Variants in DNAH11 observed in about 807,000 individuals in gnomAD.
The protein encoded by DNAH11 is axonemal beta dynein heavy chain 11.
In DNAH11, 442 loss-of-function variants were observed where a neutral mutation model predicts 526.0. The observed-to-expected ratio is 0.84, with a 90% CI of 0.78 to 0.91. The LOEUF (loss-of-function observed/expected upper bound fraction) is 0.91, where lower values mean the gene tolerates loss of function less well. Among genes scored for constraint, DNAH11 ranks in the 40% least tolerant of loss-of-function variants. The pLI is 0.00. For synonymous variants in DNAH11, 2,461 were observed against 1,935.9 expected, an observed-to-expected ratio of 1.27 and a Z score of -7.12; for missense variants, 6,989 against 5,448.7, an observed-to-expected ratio of 1.28 and a Z score of -8.90.
In DNAH11 at chr7:21,570,228, C is replaced by T. The variant is rs1318484979; in HGVS notation, c.1354C>T (p.Pro452Ser). ...ASYFMGRKLRPWDFQSHLVFC... is the reference protein window; with the variant it reads ...ASYFMGRKLRSWDFQSHLVFC... ...CTACTTTATGGGAAGAAAGCTGAGA[C>T]CATGGGATTTCCAGTCTCATCTGGT... Residue 452 changes from proline (P) to serine (S), a missense_variant, in exon 7 of 82, where the codon CCA becomes TCA. Pro to Ser is a moderately conservative substitution (Grantham distance 74). Transcript: ENST00000409508. 3.7e-6 allele frequency: 6 copies of T among 1,613,168 alleles called. No homozygotes were observed. The highest frequency in any genetic ancestry group is 1.7e-5 in the Admixed American group (1 of 59,978).
chr7:21,793,584 C>G (rs1788568704), intron 61 of DNAH11, among the ~76,000 whole-genome samples: 1 of 146,990 alleles, frequency 6.8e-6, no homozygotes, highest in Non-Finnish European at 1.5e-5. Context: ...CCATTGCACT[C>G]CAGCCTGGAT....
At chr7:21,628,205 T>C (rs1786440922) in intron 25 of DNAH11, among the ~76,000 whole-genome samples, 2 of 151,926 alleles carry the variant, frequency 1.3e-5, no homozygotes, top group African/African-American at 4.8e-5. Flanking sequence ...AGTCTTTAGG[T>C]TTTTCTAAGT....
At chr7:21,639,365 C>G (rs1464761614) in intron 28 of DNAH11, among the ~76,000 whole-genome samples, 3 of 152,162 alleles carry the variant, frequency 2.0e-5, no homozygotes, top group Non-Finnish European at 4.4e-5. Flanking sequence ...GGGACAAGAA[C>G]TGGGACATCC....
rs10464303 is a variant in DNAH11, at chr7:21,731,136, C to A, written c.7441-4504C>A. Among the ~76,000 whole-genome samples the A allele has an allele frequency of 9.1e-3, 1,382 of 151,348 alleles. 27 individuals carry two copies. The highest frequency in any genetic ancestry group is 0.077 in the East Asian group (394 of 5,150). On this transcript the variant is annotated intron_variant, in intron 45 of 81. Transcript: ENST00000409508. ...TCCATCCTGGGCAACAAGAGTGAAA[C>A]TGTCTCCGAAAAAAAAAAACTATGT...
In DNAH11 at chr7:21,738,810, A is replaced by G. The variant is rs1562519227; in HGVS notation, c.7755A>G (p.Leu2585=). 6.2e-7 allele frequency: 1 copy of G among 1,605,096 alleles called. No individual in the cohort carries two copies. The highest frequency in any genetic ancestry group is 1.3e-5 in the African/African-American group (1 of 74,750). The change falls in exon 47 of 82, where the codon TTA becomes TTG. Residue 2585 remains leucine (L), a synonymous_variant. Coordinates refer to ENST00000409508, the MANE Select transcript of DNAH11 (RefSeq NM_001277115.2). The part of the protein sequence containing the change: ...IDDMNMPEVD[L]YGTVQPHTLI... ...ACATGAACATGCCTGAAGTGGACTT[A>G]TATGGCACCGTTCAGCCTCACACCC...
chr7:21,666,316 G>T (rs576130241), intron 30 of DNAH11, among the ~76,000 whole-genome samples: 3 of 152,034 alleles, frequency 2.0e-5, no homozygotes, highest in Admixed American at 2.0e-4. Context: ...AGATTTGAAG[G>T]TTCCTTGGTG....
intron 39 of DNAH11, among the ~76,000 whole-genome samples, 166 bp downstream of exon 39, chr7:21,705,703 C>A (rs1258019048): frequency 6.6e-6 from 1 of 152,122 alleles, no homozygotes; most frequent in Non-Finnish European, 1.5e-5. Context: ...AATTGACATT[C>A]TTTTCCTTTA....
chr7:21,612,387 C>T (rs781100629), intron 20 of DNAH11, among the ~76,000 whole-genome samples: 5 of 151,774 alleles, frequency 3.3e-5, no homozygotes, highest in African/African-American at 7.3e-5. Context: ...AACCCTGTCT[C>T]TACTAAAAAT....
intron 52 of DNAH11, 86 bp from the exon 53 acceptor site, chr7:21,749,592 A>C: frequency 6.5e-7 from 1 of 1,546,282 alleles, no homozygotes; most frequent in Non-Finnish European, 8.8e-7. Flanking sequence ...CGATACAGTT[A>C]CTGAGTTCTC....
intron 58 of DNAH11, 58 bp downstream of exon 58, chr7:21,784,598 A>G: frequency 1.6e-6 from 2 of 1,254,498 alleles, no homozygotes; most frequent in South Asian, 1.8e-5. Flanking sequence ...AGGTTATTAG[A>G]GTTTGAATAA....
At chr7:21,675,543 A>G (rs1482003939) in intron 30 of DNAH11, among the ~76,000 whole-genome samples, 2 of 152,232 alleles carry the variant, frequency 1.3e-5, no homozygotes, top group Non-Finnish European at 1.5e-5. Context: ...TTAATTATTT[A>G]TCTGCATTCC....
At chr7:21,652,536 G>C (rs1562729874) in intron 28 of DNAH11, among the ~76,000 whole-genome samples, 1 of 146,996 alleles carries the variant, frequency 6.8e-6, no homozygotes, top group African/African-American at 2.4e-5. Context: ...CAAAATATTA[G>C]TTTATGGATT....
rs73271701 is a variant in DNAH11, at chr7:21,661,075, A to G, written c.5328+2044A>G. 9.6e-3 allele frequency among the ~76,000 whole-genome samples: 1,454 copies of G among 152,200 alleles called. 28 individuals are homozygous for G. Among genetic ancestry groups the G allele is most frequent in the African/African-American group, 0.033 (1,361 of 41,534 alleles). On this transcript the variant is annotated intron_variant, in intron 30 of 81. Coordinates refer to ENST00000409508, the MANE Select transcript of DNAH11 (RefSeq NM_001277115.2). ...TCCTCCACTCAGGCACTTACATTCTAGTTAATCATTAATAGATCTTAACGT... is the reference window on the plus strand; with the variant it reads ...TCCTCCACTCAGGCACTTACATTCTGGTTAATCATTAATAGATCTTAACGT...
At chr7:21,727,690 G>T (rs1358887349) in intron 45 of DNAH11, among the ~76,000 whole-genome samples, 2 of 152,138 alleles carry the variant, frequency 1.3e-5, no homozygotes, top group African/African-American at 2.4e-5. Flanking sequence ...TGTATGAGTG[G>T]CATATAGGTG....
intron 25 of DNAH11, among the ~76,000 whole-genome samples, chr7:21,623,536 T>G (rs965046386): frequency 6.6e-6 from 1 of 152,128 alleles, no homozygotes; most frequent in African/African-American, 2.4e-5. Context: ...TGTGGCACTA[T>G]TCACAATAGC....
chr7:21,828,678 A>G (rs950567574), intron 65 of DNAH11, among the ~76,000 whole-genome samples: 1 of 152,028 alleles, frequency 6.6e-6, no homozygotes, highest in Non-Finnish European at 1.5e-5. Flanking sequence ...ATGATGTTTA[A>G]ATATGGATAT....
intron 30 of DNAH11, among the ~76,000 whole-genome samples, chr7:21,673,290 G>T (rs1782718079): frequency 6.6e-6 from 1 of 152,154 alleles, no homozygotes; most frequent in African/African-American, 2.4e-5. Context: ...GTTTATAACT[G>T]TGTGATCTCA....
At position 21,687,095 on chromosome 7, in the gene DNAH11, A is replaced by G. The variant is rs756216524; in HGVS notation, c.5622-4A>G. 5.0e-6 allele frequency: 8 copies of G among 1,611,132 alleles called. No homozygotes were observed. The highest frequency in any genetic ancestry group is 5.9e-6 in the Non-Finnish European group (7 of 1,178,876). On this transcript the variant is annotated splice_region_variant and splice_polypyrimidine_tract_variant and intron_variant, in intron 32 of 81. Coordinates refer to ENST00000409508, the MANE Select transcript of DNAH11 (RefSeq NM_001277115.2). ...GTGATGTTTGTGTTTTCTATTGCTTAAAGGTGTTATATTACCTTAACTCAA... is the reference window on the plus strand; with the variant it reads ...GTGATGTTTGTGTTTTCTATTGCTTGAAGGTGTTATATTACCTTAACTCAA...
At chr7:21,803,741 C>G (rs148909173) in intron 62 of DNAH11, among the ~76,000 whole-genome samples, 1,164 of 95,494 alleles carry the variant, frequency 0.012, 25 homozygotes, top group African/African-American at 0.045. Flanking sequence ...GAAAAGTGGA[C>G]AATGGGGCTG....
Sources: allele counts gnomAD v4.1 joint callset (sites outside exome capture counted in the v4.1 genomes callset), GRCh38; gene constraint gnomAD v4.1.1; transcripts MANE v1.5; gene names NCBI Gene and HGNC (gene_info 2026-07-23, HGNC 2026-07-21).